ROBO1: variants seen among roughly 807,000 people sequenced by gnomAD.
ROBO1 encodes roundabout homolog 1.
A neutral mutation model predicts 195.9 loss-of-function variants in ROBO1; 149 were observed. The observed-to-expected ratio is 0.76, with a 90% confidence interval of 0.67 to 0.87. The LOEUF (loss-of-function observed/expected upper bound fraction) is 0.87. Ranked by LOEUF, ROBO1 falls within the 40% of genes least tolerant of loss-of-function variation. ROBO1 has a pLI of 0.00. For synonymous variants in ROBO1, 816 were observed against 733.2 expected (o/e 1.11, Z -1.82); for missense variants, 1,933 against 2,068.3 (o/e 0.93, Z 1.27).
chr3:78,747,435 C>A (rs2082684358), intron 4 of ROBO1, among the ~76,000 whole-genome samples: 1 of 151,972 alleles, frequency 6.6e-6, no homozygotes, highest in South Asian at 2.1e-4. Context: ...TTTAAATATG[C>A]TCAATATAAA....
chr3:79,230,231 A>G (rs1044427655), intron 2 of ROBO1, among the ~76,000 whole-genome samples: 1 of 152,186 alleles, frequency 6.6e-6, no homozygotes, highest in South Asian at 2.1e-4. Context: ...TGAAGCTTTT[A>G]AAGGATTGCA....
intron 4 of ROBO1, among the ~76,000 whole-genome samples, chr3:78,925,792 TGTG>T (rs2039178739): frequency 6.6e-6 from 1 of 152,024 alleles, no homozygotes; most frequent in Admixed American, 6.6e-5. Flanking sequence ...ACCTTTAACT[TGTG>T]GTGGGTGTGG....
intron 4 of ROBO1, among the ~76,000 whole-genome samples, chr3:78,876,895 C>T (rs1235791561): frequency 6.6e-6 from 1 of 151,508 alleles, no homozygotes; most frequent in Non-Finnish European, 1.5e-5. Context: ...TCTATTTGAA[C>T]TATTAAGACC....
chr3:79,107,122 C>CTG lies in ROBO1; in HGVS notation c.172+18333_172+18334insCA, dbSNP rs1242083999. ...CCTCTCTCTTTCTCTCTCTCTCTCT[C>CTG]TCTCTCACACACACACACACACACA... On this transcript the variant is annotated intron_variant, in intron 3 of 30. Transcript: ENST00000464233. Among the ~76,000 whole-genome samples, 3 of 140,944 alleles carry CTG rather than the reference C, an allele frequency of 2.1e-5. No individual in the cohort carries two copies. The Admixed American group carries it at 2.3e-4, about 11-fold the overall frequency. 92.5% of individuals were successfully genotyped at this position (140,944 alleles called of 152,430 possible). A position where few individuals can be genotyped will look rare whatever the true frequency, so the allele number is the denominator to read the frequency against.
chr3:79,265,538 T>A (rs2083023921), intron 2 of ROBO1, among the ~76,000 whole-genome samples: 2 of 151,566 alleles, frequency 1.3e-5, no homozygotes, highest in Non-Finnish European at 3.0e-5. Context: ...CAAACAATTA[T>A]TTGCAAATTT....
chr3:79,708,358 G>A lies in ROBO1; in HGVS notation c.-51+59394C>T, dbSNP rs189237965. Among the ~76,000 whole-genome samples, 359 of 152,240 alleles carry A rather than the reference G, an allele frequency of 2.4e-3. 1 individual carries two copies. The highest frequency in any genetic ancestry group is 3.1e-3 in the Non-Finnish European group (212 of 68,014). ...TTCATTTTCCAATTCAGCATAAAATGTTTCAACATCAACTGCATCTTTGAA... is the reference window on the plus strand; with the variant it reads ...TTCATTTTCCAATTCAGCATAAAATATTTCAACATCAACTGCATCTTTGAA... On this transcript the variant is annotated intron_variant, in intron 1 of 30. Transcript: ENST00000464233.
At chr3:78,829,336 T>A (rs9871752) in intron 4 of ROBO1, among the ~76,000 whole-genome samples, 7,721 of 152,324 alleles carry the variant, frequency 0.051, 314 homozygotes, top group Middle Eastern at 0.075. Context: ...GTGTAATTTT[T>A]AATATATTTG....
At chr3:78,876,962 T>C (rs2035886815) in intron 4 of ROBO1, among the ~76,000 whole-genome samples, 1 of 152,134 alleles carries the variant, frequency 6.6e-6, no homozygotes, top group Non-Finnish European at 1.5e-5. Flanking sequence ...CTGCATGAGT[T>C]TGTTTAAGGC....
At chr3:79,067,507 C>T (rs1204582947) in intron 3 of ROBO1, among the ~76,000 whole-genome samples, 1 of 151,908 alleles carries the variant, frequency 6.6e-6, no homozygotes, top group Non-Finnish European at 1.5e-5. Context: ...CAATTACAAA[C>T]GATGTGACTT....
intron 2 of ROBO1, among the ~76,000 whole-genome samples, chr3:79,578,015 A>G (rs983063292): frequency 2.0e-5 from 3 of 151,966 alleles, no homozygotes; most frequent in Admixed American, 6.6e-5. Context: ...ACAAATAAAT[A>G]CCTCACCAAA....
intron 29 of ROBO1, among the ~76,000 whole-genome samples, chr3:78,603,454 T>C (rs1014540318): frequency 4.1e-4 from 62 of 152,302 alleles, no homozygotes; most frequent in South Asian, 8.3e-4. Context: ...ATAGATTATC[T>C]GTCCCTCTCT....
chr3:79,216,096 T>A (rs1365690282), intron 2 of ROBO1, among the ~76,000 whole-genome samples: 1 of 152,154 alleles, frequency 6.6e-6, no homozygotes, highest in Non-Finnish European at 1.5e-5. Flanking sequence ...TATTTGTTAA[T>A]TTTATGATTC....
At chr3:79,702,227 A>G (rs1560113781) in intron 1 of ROBO1, among the ~76,000 whole-genome samples, 1 of 151,926 alleles carries the variant, frequency 6.6e-6, no homozygotes, top group Non-Finnish European at 1.5e-5. Context: ...TGGTAAAAGC[A>G]TATAATCTGG....
Position 78,662,033 on chromosome 3 carries a change from G to C in ROBO1, c.2048C>G (p.Pro683Arg), listed in dbSNP as rs1707439735. The C allele has an allele frequency of 6.2e-7, 1 of 1,602,822 alleles. No homozygotes were observed. The change falls in exon 15 of 31, where the codon CCC becomes CGC. Residue 683 changes from proline (P) to arginine (R), a missense_variant. Coordinates refer to ENST00000464233, the MANE Select transcript of ROBO1 (RefSeq NM_002941.4). ...LGNAVLHLHN[P>R]TVLSSSSIEV... ...GATGGAAGAGGAAGAAAGGACGGTG[G>C]GGTTGTGGAGGTGCAGAACAGCATT...
At chr3:79,724,691 C>T (rs773335575) in intron 1 of ROBO1, among the ~76,000 whole-genome samples, 20 of 152,162 alleles carry the variant, frequency 1.3e-4, no homozygotes, top group Non-Finnish European at 2.5e-4. Context: ...GCTTTAGATA[C>T]GACCTTGATT....
chr3:78,688,731 CA>C lies in ROBO1; in HGVS notation c.1086del (p.Ala363LeufsTer6). ...TGAAAAGTTACAGTCCGTCCCAAAG[CA>C]ACAACCTGGTCACGGGGTTTCACAA... ...HFVVKPRDQV[V>X]ALGRTVTFQC... On this transcript the variant is annotated frameshift_variant, in exon 9 of 31. Coordinates refer to ENST00000464233, the MANE Select transcript of ROBO1 (RefSeq NM_002941.4). LOFTEE classifies it high-confidence loss of function. 6.2e-7 allele frequency: 1 copy of C among 1,609,420 alleles called. No homozygotes were observed. The highest frequency in any genetic ancestry group is 8.5e-7 in the Non-Finnish European group (1 of 1,177,774).
chr3:79,526,405 T>C (rs1941434539), intron 2 of ROBO1: 1 of 152,220 alleles, frequency 6.6e-6, no homozygotes, highest in Admixed American at 6.5e-5. Context: ...GATAGAGCTA[T>C]GTCCTGAATT....
At chr3:79,420,407 T>C (rs2038177611) in intron 2 of ROBO1, among the ~76,000 whole-genome samples, 1 of 152,148 alleles carries the variant, frequency 6.6e-6, no homozygotes. Context: ...AATTTAGTGT[T>C]TCATTAATAA....
At chr3:79,670,037 C>T (rs1380414291) in intron 1 of ROBO1, among the ~76,000 whole-genome samples, 2 of 151,666 alleles carry the variant, frequency 1.3e-5, no homozygotes, top group African/African-American at 2.4e-5. Context: ...TTTAAAAACT[C>T]GTCAATATTT....
Sources: allele counts gnomAD v4.1 joint callset (sites outside exome capture counted in the v4.1 genomes callset), GRCh38; gene constraint gnomAD v4.1.1; transcripts MANE v1.5; gene names NCBI Gene and HGNC (gene_info 2026-07-23, HGNC 2026-07-21).